Variants in ADGRA1 observed in about 807,000 individuals in gnomAD.
ADGRA1 encodes the protein G-protein coupled receptor 123.
Under a neutral mutation model 21.3 loss-of-function variants are expected in ADGRA1, and 12 were observed. The ratio of observed to expected loss-of-function variants is 0.56; its 90% confidence interval spans 0.36 to 0.91. The LOEUF (loss-of-function observed/expected upper bound fraction) is 0.91, where lower values mean the gene tolerates loss of function less well. Among genes scored for constraint, ADGRA1 ranks in the 40% least tolerant of loss-of-function variants. The pLI is 0.01. For missense variants in ADGRA1, 790 were observed against 805.6 expected, an observed-to-expected ratio of 0.98 and a Z score of 0.23; for synonymous variants, 385 against 368.8, an observed-to-expected ratio of 1.04 and a Z score of -0.50.
chr10:133,118,600 T>A (rs528429096), intron 5 of ADGRA1, among the ~76,000 whole-genome samples: 2 of 152,148 alleles, frequency 1.3e-5, no homozygotes, highest in South Asian at 4.2e-4. Flanking sequence ...GGGAAGAGCC[T>A]CCTATAAAAC....
intron 4 of ADGRA1, among the ~76,000 whole-genome samples, chr10:133,099,908 G>A (rs971120419): frequency 4.6e-5 from 7 of 152,226 alleles, no homozygotes; most frequent in Admixed American, 3.3e-4. Context: ...GCAGACAGCA[G>A]TGGTGGAGAC....
At chr10:133,100,001 C>A (rs1851761528) in intron 4 of ADGRA1, among the ~76,000 whole-genome samples, 1 of 152,228 alleles carries the variant, frequency 6.6e-6, no homozygotes, top group African/African-American at 2.4e-5. Context: ...ACCTGCCTGC[C>A]ACGGCCACGG....
chr10:133,117,261 G>A (rs1424828197), intron 5 of ADGRA1, among the ~76,000 whole-genome samples: 1 of 152,222 alleles, frequency 6.6e-6, no homozygotes, highest in Non-Finnish European at 1.5e-5. Flanking sequence ...GGCAGCACCC[G>A]GAGCCCACCC....
At chr10:133,111,220 G>A (rs1436244210) in intron 5 of ADGRA1, among the ~76,000 whole-genome samples, 604 of 53,214 alleles carry the variant, frequency 0.011, 54 homozygotes, top group East Asian at 0.031. Flanking sequence ...GCCCACCACA[G>A]GCACCTCCCT....
chr10:133,125,509 C>T (rs1027885748), intron 5 of ADGRA1, among the ~76,000 whole-genome samples: 4 of 152,178 alleles, frequency 2.6e-5, no homozygotes, highest in African/African-American at 7.2e-5. Context: ...CTGCAAACCC[C>T]GCCTCCTGGG....
At chr10:133,094,339 C>A (rs1851651730) in intron 2 of ADGRA1, among the ~76,000 whole-genome samples, 1 of 152,246 alleles carries the variant, frequency 6.6e-6, no homozygotes, top group South Asian at 2.1e-4. Flanking sequence ...GCTAAGTCTC[C>A]TTCTGGCCCT....
intron 2 of ADGRA1, among the ~76,000 whole-genome samples, chr10:133,094,167 C>T (rs375081144): frequency 2.0e-5 from 3 of 152,238 alleles, no homozygotes; most frequent in Admixed American, 6.5e-5. Context: ...CCACACAAGG[C>T]GGCGTGGCCC....
At chr10:133,126,111 G>A (rs918803587) in intron 5 of ADGRA1, among the ~76,000 whole-genome samples, 2 of 152,168 alleles carry the variant, frequency 1.3e-5, no homozygotes, top group Non-Finnish European at 2.9e-5. Context: ...ACGGACCCTC[G>A]GCCCAAGGCC....
At chr10:133,115,163 T>C (rs1407001771) in intron 5 of ADGRA1, among the ~76,000 whole-genome samples, 1 of 151,910 alleles carries the variant, frequency 6.6e-6, no homozygotes, top group Non-Finnish European at 1.5e-5. Flanking sequence ...AGGCGATGGA[T>C]GAGGTGCACC....
chr10:133,125,675 C>T (rs1239210197), intron 5 of ADGRA1, among the ~76,000 whole-genome samples: 2 of 152,110 alleles, frequency 1.3e-5, no homozygotes, highest in African/African-American at 4.8e-5. Context: ...GTGATCTGCC[C>T]ACCTCAGCCT....
At chr10:133,112,318 G>A (rs921224329) in intron 5 of ADGRA1, among the ~76,000 whole-genome samples, 23 of 151,176 alleles carry the variant, frequency 1.5e-4, no homozygotes, top group East Asian at 3.9e-4. Context: ...TCTGCGGGCC[G>A]CATCGGTTAT....
chr10:133,090,803 T>C (rs952275437), intron 2 of ADGRA1, among the ~76,000 whole-genome samples: 17 of 152,166 alleles, frequency 1.1e-4, no homozygotes, highest in Admixed American at 1.1e-3. Flanking sequence ...TCAGATTCTT[T>C]GGTGGCATCG....
At position 133,127,159 on chromosome 10, in the gene ADGRA1, G is replaced by T. The variant is rs374432125; in HGVS notation, c.402-74G>T. 9.6e-6 allele frequency: 9 copies of T among 938,412 alleles called. No individual in the cohort carries two copies. In the Admixed American group the frequency reaches 1.5e-4, roughly 15 times the overall value. 58.1% of individuals were successfully genotyped at this position (938,412 alleles called of 1,614,324 possible). On this transcript the variant is annotated intron_variant, in intron 5 of 6. Coordinates refer to ENST00000392607, the MANE Select transcript of ADGRA1 (RefSeq NM_001083909.3). ...GCTGCTCTCCCTTGCCCCGCGGAGTGGGGGAGGGACAGCGCTGACCCCGGA... is the reference window on the plus strand; with the variant it reads ...GCTGCTCTCCCTTGCCCCGCGGAGTTGGGGAGGGACAGCGCTGACCCCGGA...
chr10:133,118,398 A>G (rs1472415015), intron 5 of ADGRA1, among the ~76,000 whole-genome samples: 1 of 152,174 alleles, frequency 6.6e-6, no homozygotes, highest in Non-Finnish European at 1.5e-5. Flanking sequence ...GAAATACCCA[A>G]GAGTGGGTAA....
Position 133,130,393 on chromosome 10 carries a change from G to C in ADGRA1, c.*882G>C, listed in dbSNP as rs1404557042. ...CAGTATAGGCACTTAGCAACACGAA[G>C]GTTTATTCCAAAAAGAAAAGGGGCT... On this transcript the variant is annotated 3_prime_UTR_variant, in exon 7 of 7. Transcript: ENST00000392607. 1.3e-5 allele frequency: 2 copies of C among 152,208 alleles called. No individual in the cohort carries two copies. The highest frequency in any genetic ancestry group is 2.9e-5 in the Non-Finnish European group (2 of 68,046). The allele number at this position is 152,208 out of a possible 1,614,324, so 9.4% of individuals were successfully genotyped here. A position where few individuals can be genotyped will look rare whatever the true frequency, so the allele number is the denominator to read the frequency against.
intron 5 of ADGRA1, among the ~76,000 whole-genome samples, chr10:133,116,787 G>A (rs1852167764): frequency 6.6e-6 from 1 of 152,048 alleles, no homozygotes; most frequent in Non-Finnish European, 1.5e-5. Context: ...CTCCTCATCT[G>A]ACCCCCCAGC....
intron 6 of ADGRA1, 57 bp downstream of exon 6, chr10:133,127,388 G>T: frequency 3.7e-6 from 5 of 1,340,080 alleles, no homozygotes; most frequent in Non-Finnish European, 5.2e-6. Flanking sequence ...CTCTGCCTGA[G>T]GTCCCTCCCA....
chr10:133,111,195 C>T (rs143778258), intron 5 of ADGRA1, among the ~76,000 whole-genome samples: 1 of 128,522 alleles, frequency 7.8e-6, no homozygotes. Flanking sequence ...CCCTCCTAAT[C>T]CCTCCAGACA....
chr10:133,113,886 T>C (rs1852108349), intron 5 of ADGRA1, among the ~76,000 whole-genome samples: 1 of 152,214 alleles, frequency 6.6e-6, no homozygotes, highest in South Asian at 2.1e-4. Context: ...AGGAAGGGCC[T>C]GGGCCTCCCA....
Sources: allele counts gnomAD v4.1 joint callset (sites outside exome capture counted in the v4.1 genomes callset), GRCh38; gene constraint gnomAD v4.1.1; transcripts MANE v1.5; gene names NCBI Gene and HGNC (gene_info 2026-07-23, HGNC 2026-07-21).